The following POC5 variants were observed in gnomAD, a reference collection of about 807,000 sequenced individuals.
POC5 encodes the protein centrosomal protein POC5.
POC5 carries 48 observed loss-of-function variants against 62.9 expected under a neutral mutation model. That is an observed-to-expected ratio of 0.76 (90% confidence interval 0.61 to 0.97). POC5 has a LOEUF of 0.97. POC5 is among the 50% of genes least tolerant of loss of function. The probability of loss-of-function intolerance (pLI) is 0.00; values close to 1 mark genes in which losing one functional copy is unlikely to be tolerated. For missense variants in POC5, 696 were observed against 679.5 expected, an observed-to-expected ratio of 1.02 and a Z score of -0.27; for synonymous variants, 236 against 228.2, an observed-to-expected ratio of 1.03 and a Z score of -0.31.
At chr5:75,686,787 AT>A (rs200890988) in intron 9 of POC5, among the ~76,000 whole-genome samples, 2 of 151,180 alleles carry the variant, frequency 1.3e-5, no homozygotes, top group South Asian at 2.1e-4. Context: ...CTTGTCAAGT[AT>A]TTTTTTTTAC....
At chr5:75,685,065 C>T in intron 10 of POC5, 142 bp downstream of exon 10, 1 of 875,588 alleles carries the variant, frequency 1.1e-6, no homozygotes, top group Non-Finnish European at 1.7e-6. Flanking sequence ...GACGGGGTTT[C>T]ACCGTGTTAG....
intron 10 of POC5, among the ~76,000 whole-genome samples, chr5:75,680,943 C>A (rs563366947): frequency 6.6e-6 from 1 of 152,168 alleles, no homozygotes; most frequent in Admixed American, 6.5e-5. Context: ...TCATTCTCTG[C>A]AAATTAAATG....
intron 3 of POC5, among the ~76,000 whole-genome samples, chr5:75,706,981 AG>A (rs768226552): frequency 5.9e-5 from 9 of 152,232 alleles, no homozygotes; most frequent in Non-Finnish European, 4.4e-5. Context: ...ACTTAGCAGA[AG>A]CCCAGGAGCC....
chr5:75,712,969 A>G lies in POC5; in HGVS notation c.-14-18T>C. The G allele has an allele frequency of 1.3e-6, 2 of 1,544,974 alleles. No individual in the cohort carries two copies. The highest frequency in any genetic ancestry group is 1.8e-6 in the Non-Finnish European group (2 of 1,131,780). ...CAAATGCTCTAAAACAGTAGAAGCTAACTTTAGCTTTTTTCCTTGATATTT... is the reference window on the plus strand; with the variant it reads ...CAAATGCTCTAAAACAGTAGAAGCTGACTTTAGCTTTTTTCCTTGATATTT... On this transcript the variant is annotated intron_variant, in intron 1 of 11. Transcript: ENST00000428202.
intron 11 of POC5, among the ~76,000 whole-genome samples, chr5:75,676,146 CATT>C (rs1219082211): frequency 1.3e-5 from 2 of 152,206 alleles, no homozygotes; most frequent in African/African-American, 4.8e-5. Flanking sequence ...GAATTCCCAT[CATT>C]ACTACAAAAC....
chr5:75,699,259 C>A (rs1776755766), intron 5 of POC5, among the ~76,000 whole-genome samples: 1 of 151,908 alleles, frequency 6.6e-6, no homozygotes, highest in African/African-American at 2.4e-5. Context: ...GGCAGAGACA[C>A]AACCAAAAAA....
rs1223663599 is a variant in POC5, at chr5:75,692,822, C to CA, written c.691-323_691-322insT. On this transcript the variant is annotated intron_variant, in intron 6 of 11. Coordinates refer to ENST00000428202, the MANE Select transcript of POC5 (RefSeq NM_001099271.2). ...AACAATTATACATTTGAAAGTTCTC[C>CA]TATATACACCATGTCTTTATTCACT... Among the ~76,000 whole-genome samples the CA allele has an allele frequency of 2.0e-5, 3 of 151,938 alleles. No individual in the cohort carries two copies. The East Asian group carries it at 5.8e-4, about 29-fold the overall frequency.
intron 1 of POC5, among the ~76,000 whole-genome samples, chr5:75,716,661 T>G (rs1206014101): frequency 1.3e-5 from 2 of 152,196 alleles, no homozygotes; most frequent in African/African-American, 4.8e-5. Context: ...TTCACTACAT[T>G]TTCAGTAGTC....
intron 1 of POC5, among the ~76,000 whole-genome samples, chr5:75,715,035 G>A (rs769112177): frequency 3.3e-5 from 5 of 151,868 alleles, no homozygotes; most frequent in African/African-American, 7.3e-5. Flanking sequence ...TGCCCAGGCC[G>A]GGCACGGTGG....
At chr5:75,676,918 T>G (rs1269849226) in intron 11 of POC5, among the ~76,000 whole-genome samples, 1 of 152,118 alleles carries the variant, frequency 6.6e-6, no homozygotes, top group African/African-American at 2.4e-5. Context: ...TATTATACTT[T>G]TTGAGATAAT....
chr5:75,701,454 GT>G (rs1776875995), intron 5 of POC5, among the ~76,000 whole-genome samples: 1 of 137,876 alleles, frequency 7.3e-6, no homozygotes, highest in Admixed American at 7.4e-5. Context: ...ATCATTCTCA[GT>G]AAACTATCGC....
rs527597957 is a variant in POC5, at chr5:75,699,803, G to C, written c.513+2802C>G. Among the ~76,000 whole-genome samples the C allele has an allele frequency of 2.9e-5, 4 of 138,748 alleles. No individual in the cohort carries two copies. The South Asian group carries it at 7.9e-4, about 27-fold the overall frequency. 91.0% of individuals were successfully genotyped at this position (138,748 alleles called of 152,430 possible). On this transcript the variant is annotated intron_variant, in intron 5 of 11. Coordinates refer to ENST00000428202, the MANE Select transcript of POC5 (RefSeq NM_001099271.2). Reference sequence around the variant, plus strand: ...CTCCCTGTTTGCAGACGACATGATTGTATATCTAGAAAACCCCATTGTCTC... The same window carrying C: ...CTCCCTGTTTGCAGACGACATGATTCTATATCTAGAAAACCCCATTGTCTC...
chr5:75,702,482 C>G (rs1450046940), intron 5 of POC5, 123 bp downstream of exon 5: 2 of 932,402 alleles, frequency 2.1e-6, no homozygotes, highest in Non-Finnish European at 3.2e-6. Context: ...AGACACTAAA[C>G]TGATCTCAGG....
chr5:75,711,811 T>C (rs897391200), intron 2 of POC5, among the ~76,000 whole-genome samples: 2 of 152,226 alleles, frequency 1.3e-5, no homozygotes, highest in Non-Finnish European at 2.9e-5. Context: ...AATTCCACTC[T>C]AGAGAGTTAT....
Position 75,713,652 on chromosome 5 carries a change from A to G in POC5, c.-14-701T>C, listed in dbSNP as rs546086058. On this transcript the variant is annotated intron_variant, in intron 1 of 11. Transcript: ENST00000428202. ...GGCCCTAAAATAACAGATACAAAGT[A>G]GAGAGATAGGAGTAGCTATTTTTCA... is the stretch of plus-strand genomic sequence containing the variant. Among the ~76,000 whole-genome samples the G allele has an allele frequency of 3.9e-5, 6 of 152,348 alleles. No individual in the cohort carries two copies. The East Asian group carries it at 1.2e-3, about 29-fold the overall frequency.
At position 75,690,563 on chromosome 5, in the gene POC5, C is replaced by T. The variant is rs1322151206; in HGVS notation, c.796-1G>A. On this transcript the variant is annotated splice_acceptor_variant, in intron 7 of 11. Coordinates refer to ENST00000428202, the MANE Select transcript of POC5 (RefSeq NM_001099271.2). LOFTEE classifies it high-confidence loss of function. ...GGTCAGCTAGTTTACCTTCATAAACCTAAATAAAAGTAAAATATAACTTCA... is the reference window on the plus strand; with the variant it reads ...GGTCAGCTAGTTTACCTTCATAAACTTAAATAAAAGTAAAATATAACTTCA... 2 of 1,550,102 alleles carry T rather than the reference C, an allele frequency of 1.3e-6. No individual in the cohort carries two copies.
rs1209759188 is a variant in POC5, at chr5:75,707,713, G to C, written c.223+24C>G. ...AACTCAGTAATATTTTAAATTAAGA[G>C]ATATCTTGAAAAATATATATAACCT... On this transcript the variant is annotated intron_variant, in intron 3 of 11. Coordinates refer to ENST00000428202, the MANE Select transcript of POC5 (RefSeq NM_001099271.2). The C allele has an allele frequency of 2.7e-6, 4 of 1,461,638 alleles. No individual in the cohort carries two copies. The South Asian group carries it at 5.0e-5, about 18-fold the overall frequency. 90.5% of individuals were successfully genotyped at this position (1,461,638 alleles called of 1,614,324 possible). A position where few individuals can be genotyped will look rare whatever the true frequency, so the allele number is the denominator to read the frequency against.
At chr5:75,712,597 T>C (rs1298409316) in intron 2 of POC5, 4 of 836,134 alleles carry the variant, frequency 4.8e-6, no homozygotes, top group Admixed American at 2.5e-5. Flanking sequence ...TTCTTGAACA[T>C]TTGTTTCACC....
chr5:75,694,843 A>G lies in POC5; in HGVS notation c.514-12T>C. On this transcript the variant is annotated splice_polypyrimidine_tract_variant and intron_variant, in intron 5 of 11. Coordinates refer to ENST00000428202, the MANE Select transcript of POC5 (RefSeq NM_001099271.2). Reference sequence around the variant, plus strand: ...GATATGATGTTTGTCTGAAAAATTAATATAGTGACAATTAAGTAGTTTGTT... The same window carrying G: ...GATATGATGTTTGTCTGAAAAATTAGTATAGTGACAATTAAGTAGTTTGTT... 6.7e-7 allele frequency: 1 copy of G among 1,481,734 alleles called. No individual in the cohort carries two copies. The highest frequency in any genetic ancestry group is 1.2e-5 in the South Asian group (1 of 80,498). 91.8% of individuals were successfully genotyped at this position (1,481,734 alleles called of 1,614,324 possible). A position where few individuals can be genotyped will look rare whatever the true frequency, so the allele number is the denominator to read the frequency against.
Sources: gnomAD v4.1 joint callset for allele counts (sites outside exome capture counted in the v4.1 genomes callset) on GRCh38, gnomAD v4.1.1 for gene constraint, MANE v1.5 for transcripts, NCBI Gene and HGNC (gene_info 2026-07-23, HGNC 2026-07-21) for gene names.